The following DCUN1D4 variants were observed in gnomAD, a reference collection of about 807,000 sequenced individuals.
The protein encoded by DCUN1D4 is defective in cullin neddylation 1 domain containing 4.
DCUN1D4 carries 22 observed loss-of-function variants against 47.9 expected under a neutral mutation model. The observed-to-expected ratio is 0.46, with a 90% CI of 0.33 to 0.66. DCUN1D4 has a LOEUF of 0.66. DCUN1D4 is among the 30% of genes least tolerant of loss of function. The pLI, the probability that DCUN1D4 is intolerant of heterozygous loss-of-function variation, is 0.02. For missense variants in DCUN1D4, 301 were observed against 340.8 expected, an observed-to-expected ratio of 0.88 and a Z score of 0.92; for synonymous variants, 121 against 112.2, an observed-to-expected ratio of 1.08 and a Z score of -0.50.
chr4:51,836,854 A>G, the DCUN1D4 span, among the ~76,000 whole-genome samples: 2 of 152,192 alleles, frequency 1.3e-5, no homozygotes, highest in Non-Finnish European at 2.9e-5. Context: ...TGCAGCCACC[A>G]ACAACCGGAG....
intron 5 of DCUN1D4, among the ~76,000 whole-genome samples, chr4:51,884,050 A>C (rs1035267708): frequency 6.6e-6 from 1 of 151,176 alleles, no homozygotes; most frequent in Non-Finnish European, 1.5e-5. Flanking sequence ...AAAAGGGGAT[A>C]GAAGGGGACA....
chr4:51,902,071 T>C (rs1732199463), intron 8 of DCUN1D4, among the ~76,000 whole-genome samples: 1 of 152,222 alleles, frequency 6.6e-6, no homozygotes, highest in Non-Finnish European at 1.5e-5. Flanking sequence ...TTTAGAAGTA[T>C]GTTATTTTCC....
intron 3 of DCUN1D4, among the ~76,000 whole-genome samples, chr4:51,872,008 C>G (rs1299176386): frequency 2.0e-5 from 3 of 152,118 alleles, no homozygotes; most frequent in African/African-American, 7.2e-5. Context: ...GCTCTCTACT[C>G]CAATCCTTGG....
At chr4:51,902,261 G>A (rs2110107079) in intron 8 of DCUN1D4, among the ~76,000 whole-genome samples, 1 of 152,292 alleles carries the variant, frequency 6.6e-6, no homozygotes, top group East Asian at 1.9e-4. Flanking sequence ...TCAGTGGAGT[G>A]TTCTATAAAT....
chr4:51,848,047 G>T (rs970049233), intron 1 of DCUN1D4, among the ~76,000 whole-genome samples: 2 of 152,216 alleles, frequency 1.3e-5, no homozygotes, highest in Admixed American at 6.5e-5. Context: ...TGAATAACTT[G>T]TGCATTATCT....
At chr4:51,891,711 T>C in intron 6 of DCUN1D4, 49 bp from the exon 7 acceptor site, 1 of 1,438,526 alleles carries the variant, frequency 7.0e-7, no homozygotes, top group Non-Finnish European at 9.6e-7. Context: ...TTTTTTCTTT[T>C]TAATTTGTGT....
At chr4:51,835,536 T>A in the DCUN1D4 span, among the ~76,000 whole-genome samples, 12 of 152,280 alleles carry the variant, frequency 7.9e-5, no homozygotes, top group Non-Finnish European at 1.5e-4. Context: ...TGATGGTGCT[T>A]TGAAGCCAGA....
chr4:51,855,785 G>C (rs1346388242), intron 1 of DCUN1D4, among the ~76,000 whole-genome samples: 3 of 152,208 alleles, frequency 2.0e-5, no homozygotes, highest in African/African-American at 7.2e-5. Flanking sequence ...ATCCTTTGTG[G>C]GTTGGAATGG....
At chr4:51,900,011 T>G (rs1022312671) in intron 8 of DCUN1D4, among the ~76,000 whole-genome samples, 1 of 152,208 alleles carries the variant, frequency 6.6e-6, no homozygotes, top group Non-Finnish European at 1.5e-5. Flanking sequence ...GGCATCATAC[T>G]CAATTCAAAC....
chr4:51,864,706 C>T (rs1053994171), intron 3 of DCUN1D4, among the ~76,000 whole-genome samples: 2 of 152,202 alleles, frequency 1.3e-5, no homozygotes, highest in Non-Finnish European at 2.9e-5. Context: ...TTAATGAGGG[C>T]TCTACCTCCC....
At chr4:51,842,037 T>C (rs894689015), upstream of DCUN1D4, among the ~76,000 whole-genome samples, 2 of 152,040 alleles carry the variant, frequency 1.3e-5, no homozygotes, top group Non-Finnish European at 2.9e-5. Context: ...TATTGTTCTG[T>C]TACCATAATG....
intron 7 of DCUN1D4, 152 bp from the exon 8 acceptor site, chr4:51,899,118 A>AT (rs1178732361): frequency 6.8e-5 from 90 of 1,324,050 alleles, no homozygotes; most frequent in Non-Finnish European, 7.9e-5. Flanking sequence ...TACATTTAAA[A>AT]TTTTTTTTAA....
In DCUN1D4 at chr4:51,843,204, G is replaced by C. The variant is rs917830691; in HGVS notation, c.-39G>C. On this transcript the variant is annotated 5_prime_UTR_variant, in exon 1 of 11. Transcript: ENST00000334635. ...GGTGGGGGGACCGCGAGGCGAGCGC[G>C]GGAGCCTGGGCGGCGAGCCGGGTGT... 1.9e-6 allele frequency: 3 copies of C among 1,539,194 alleles called. No homozygotes were observed. The highest frequency in any genetic ancestry group is 2.8e-5 in the African/African-American group (2 of 72,018).
At chr4:51,901,231 C>G (rs1344316487) in intron 8 of DCUN1D4, among the ~76,000 whole-genome samples, 1 of 152,176 alleles carries the variant, frequency 6.6e-6, no homozygotes, top group South Asian at 2.1e-4. Flanking sequence ...CCAGCACTTC[C>G]CTGTGTATAC....
chr4:51,843,144 C>G, upstream of DCUN1D4: 1 of 1,503,910 alleles, frequency 6.6e-7, no homozygotes, highest in Admixed American at 2.1e-5. Flanking sequence ...TGCCCGGCGG[C>G]GGGTCCTCAG....
At chr4:51,851,536 G>T (rs1459615978) in intron 1 of DCUN1D4, among the ~76,000 whole-genome samples, 1 of 151,798 alleles carries the variant, frequency 6.6e-6, no homozygotes, top group African/African-American at 2.4e-5. Context: ...GGAAGGTGAG[G>T]TGCAGGGCTA....
Position 51,916,111 on chromosome 4 carries a change from C to T in DCUN1D4, c.*2527C>T, listed in dbSNP as rs958786605. 1.3e-5 allele frequency: 2 copies of T among 152,020 alleles called. No individual in the cohort carries two copies. The highest frequency in any genetic ancestry group is 2.4e-5 in the African/African-American group (1 of 41,418). The allele number at this position is 152,020 out of a possible 1,614,324, so 9.4% of individuals were successfully genotyped here. On this transcript the variant is annotated 3_prime_UTR_variant, in exon 11 of 11. Transcript: ENST00000334635. ...GCTAATGTTGAATAAATTAGGGTGC[C>T]TTCATCTGGGTTTTCTTTAGTACCT...
chr4:51,840,429 A>C (rs900529218), upstream of DCUN1D4, among the ~76,000 whole-genome samples: 1 of 152,234 alleles, frequency 6.6e-6, no homozygotes, highest in African/African-American at 2.4e-5. Context: ...TGAAGCTTTG[A>C]TATTAGACAG....
intron 8 of DCUN1D4, among the ~76,000 whole-genome samples, chr4:51,903,579 A>AT (rs572840696): frequency 6.6e-4 from 100 of 152,044 alleles, no homozygotes; most frequent in African/African-American, 2.2e-3. Context: ...TTCTCCAAAT[A>AT]TTTTTTCTGT....
Sources: gnomAD v4.1 joint callset for allele counts (sites outside exome capture counted in the v4.1 genomes callset) on GRCh38, gnomAD v4.1.1 for gene constraint, MANE v1.5 for transcripts, NCBI Gene and HGNC (gene_info 2026-07-23, HGNC 2026-07-21) for gene names.